The following C7orf57 variants were observed in gnomAD, a reference collection of about 807,000 sequenced individuals.
C7orf57 encodes the protein chromosome 7 open reading frame 57.
In C7orf57, 33 loss-of-function variants were observed where a neutral mutation model predicts 39.0. The observed-to-expected ratio is 0.85, with a 90% CI of 0.64 to 1.13. The LOEUF is 1.13. C7orf57 is among the 50% of genes most tolerant of loss of function. The probability of loss-of-function intolerance (pLI) is 0.00; values close to 1 mark genes in which losing one functional copy is unlikely to be tolerated. For synonymous variants in C7orf57, 124 were observed against 137.1 expected (o/e 0.90, Z 0.67); for missense variants, 346 against 362.3 (o/e 0.95, Z 0.37).
rs371524997 is a variant in C7orf57, at chr7:48,046,745, AT to A, written c.507+133del. ...TCGTGGCATCGGCCACGTGCTCTGTATTTTAAGTTTGGATCTACTAAAAGGC... is the reference window on the plus strand; with the variant it reads ...TCGTGGCATCGGCCACGTGCTCTGTATTTAAGTTTGGATCTACTAAAAGGC... On this transcript the variant is annotated intron_variant, in intron 5 of 8. Transcript: ENST00000348904. 133 of 1,007,556 alleles carry A rather than the reference AT, an allele frequency of 1.3e-4. No individual in the cohort carries two copies. In the African/African-American group the frequency reaches 1.5e-3, roughly 12 times the overall value. 62.4% of individuals were successfully genotyped at this position (1,007,556 alleles called of 1,614,324 possible).
Position 48,036,241 on chromosome 7 carries a change from G to A in C7orf57, c.-68G>A, listed in dbSNP as rs950226303. ...CCTGGCAACTGGTCAAGCAGGCAGC[G>A]TCCAGCGCACCCGCGAACACCAGGT... On this transcript the variant is annotated 5_prime_UTR_variant, in exon 2 of 9. Transcript: ENST00000348904. The A allele has an allele frequency of 1.3e-6, 2 of 1,512,364 alleles. No homozygotes were observed. The highest frequency in any genetic ancestry group is 3.9e-5 in the Admixed American group (2 of 50,984). The allele number at this position is 1,512,364 out of a possible 1,614,324, so 93.7% of individuals were successfully genotyped here.
In C7orf57 at chr7:48,049,870, C is replaced by T. The variant is rs146385543; in HGVS notation, c.508-10C>T. On this transcript the variant is annotated splice_polypyrimidine_tract_variant and intron_variant, in intron 5 of 8. Coordinates refer to ENST00000348904, the MANE Select transcript of C7orf57 (RefSeq NM_001100159.3). ...CACTAACTCAAGGTTTTGTGTGTTT[C>T]CTCACACAGCTGAGGCTACCGGCCA... The T allele has an allele frequency of 2.0e-3, 3,155 of 1,609,784 alleles. 35 individuals carry two copies. In the East Asian group the frequency reaches 0.02, roughly 10 times the overall value.
intron 8 of C7orf57, among the ~76,000 whole-genome samples, chr7:48,056,112 A>C (rs1418341684): frequency 6.6e-6 from 1 of 152,130 alleles, no homozygotes; most frequent in Non-Finnish European, 1.5e-5. Context: ...TTTTCTCCAC[A>C]TTATCATCAA....
chr7:48,037,008 TCAGCTGGGACAGCTGAGTTG>T (rs1323829939), intron 2 of C7orf57, among the ~76,000 whole-genome samples: 1 of 151,862 alleles, frequency 6.6e-6, no homozygotes, highest in African/African-American at 2.4e-5. Context: ...GTCCTGGGGA[TCAGCTGGGACAGCTGAGTTG>T]CAGCTGGTCG....
intron 4 of C7orf57, among the ~76,000 whole-genome samples, chr7:48,044,466 C>A (rs1790655526): frequency 1.3e-5 from 2 of 152,200 alleles, no homozygotes. Context: ...CTTTACCTCC[C>A]GCTTTTAGCC....
At chr7:48,038,500 C>T (rs928473471) in intron 2 of C7orf57, among the ~76,000 whole-genome samples, 2 of 152,110 alleles carry the variant, frequency 1.3e-5, no homozygotes, top group Non-Finnish European at 2.9e-5. Flanking sequence ...CAGTGCAGAC[C>T]AGCAGGCTGG....
chr7:48,043,180 G>C (rs974650214), intron 3 of C7orf57, among the ~76,000 whole-genome samples: 1 of 152,176 alleles, frequency 6.6e-6, no homozygotes. Context: ...CCCTCCAGGA[G>C]CTGGTAGATG....
chr7:48,054,867 G>T (rs201955923), intron 8 of C7orf57, among the ~76,000 whole-genome samples: 10,254 of 149,982 alleles, frequency 0.068, 460 homozygotes, highest in East Asian at 0.2. Context: ...TGATGATGAT[G>T]ATTATTATTA....
chr7:48,035,779 G>A lies in C7orf57; in HGVS notation c.-102+149G>A. ...CCGGGTTGGGATGAGCACAGGGCGG[G>A]ATCTCCAAGCCTGCCCAAGTCCCGC... On this transcript the variant is annotated intron_variant, in intron 1 of 8. Coordinates refer to ENST00000348904, the MANE Select transcript of C7orf57 (RefSeq NM_001100159.3). The surrounding 1 kb of genome is among the most constrained non-coding windows in gnomAD (Gnocchi z 4.0). 1 of 583,682 alleles carries A rather than the reference G, an allele frequency of 1.7e-6. No homozygotes were observed. Among genetic ancestry groups the A allele is most frequent in the East Asian group, 3.0e-5 (1 of 33,336 alleles). 36.2% of individuals were successfully genotyped at this position (583,682 alleles called of 1,614,324 possible).
At chr7:48,054,399 A>C (rs1271989220) in intron 7 of C7orf57, among the ~76,000 whole-genome samples, 196 bp from the exon 8 acceptor site, 2 of 127,512 alleles carry the variant, frequency 1.6e-5, no homozygotes, top group African/African-American at 3.2e-5. Flanking sequence ...GGGCAACAAG[A>C]GGGAAACTCT....
At chr7:48,051,710 TCTC>T (rs1342557223) in intron 6 of C7orf57, among the ~76,000 whole-genome samples, 1 of 108,984 alleles carries the variant, frequency 9.2e-6, no homozygotes, top group Non-Finnish European at 2.2e-5. Flanking sequence ...TCTCTCTCTC[TCTC>T]CTTTCTTTCT....
In C7orf57 at chr7:48,036,318, A is replaced by C. The variant is rs745729969; in HGVS notation, c.10A>C (p.Thr4Pro). The C allele has an allele frequency of 2.0e-5, 31 of 1,589,440 alleles. No individual in the cohort carries two copies. Among genetic ancestry groups the C allele is most frequent in the Non-Finnish European group, 2.6e-5 (30 of 1,168,304 alleles). The change falls in exon 2 of 9, where the codon ACA (threonine) becomes CCA (proline). Residue 4 changes from threonine to proline, a missense_variant. Transcript: ENST00000348904. MRN[T>P]SKELQGATHR... ...CGTGCAGCGCCTGACCATGAGGAAC[A>C]CAAGCAAGGAACTTCAGGGCGCCAC...
intron 2 of C7orf57, 48 bp downstream of exon 2, chr7:48,036,411 C>T: frequency 6.7e-7 from 1 of 1,498,864 alleles, no homozygotes. Context: ...TGGGTGCGTG[C>T]ACTCTGCTTG....
At chr7:48,048,992 T>C (rs870655) in intron 5 of C7orf57, among the ~76,000 whole-genome samples, 131,382 of 152,106 alleles carry the variant, frequency 0.86, 57,205 homozygotes, top group Non-Finnish European at 0.93. Context: ...AAATAAGCTC[T>C]CTCCAGCCAG....
chr7:48,038,381 C>CAT lies in C7orf57; in HGVS notation c.55+2022_55+2023dup, dbSNP rs142265532. 1.4e-3 allele frequency among the ~76,000 whole-genome samples: 183 copies of CAT among 129,016 alleles called. 1 individual carries two copies. The highest frequency in any genetic ancestry group is 6.2e-3 in the African/African-American group (176 of 28,404). The allele number at this position is 129,016 out of a possible 152,430, so 84.6% of individuals were successfully genotyped here. On this transcript the variant is annotated intron_variant, in intron 2 of 8. Coordinates refer to ENST00000348904, the MANE Select transcript of C7orf57 (RefSeq NM_001100159.3). ...ATATCCATGTCTATCTTTCTATATA[C>CAT]ATATAGATAGATAGATAGATAGATA...
Position 48,060,276 on chromosome 7 carries a change from C to A in C7orf57, c.*4C>A. On this transcript the variant is annotated 3_prime_UTR_variant, in exon 9 of 9. Coordinates refer to ENST00000348904, the MANE Select transcript of C7orf57 (RefSeq NM_001100159.3). ...AACACCAGCAGAGCTCAAATAAATC[C>A]TGATGCAATATGTATTTAGGATAAT... is the stretch of plus-strand genomic sequence containing the variant. 1 of 1,521,666 alleles carries A rather than the reference C, an allele frequency of 6.6e-7. No individual in the cohort carries two copies. The highest frequency in any genetic ancestry group is 8.9e-7 in the Non-Finnish European group (1 of 1,125,664). The allele number at this position is 1,521,666 out of a possible 1,614,324, so 94.3% of individuals were successfully genotyped here.
chr7:48,048,516 A>G (rs957936336), intron 5 of C7orf57, among the ~76,000 whole-genome samples: 4 of 152,038 alleles, frequency 2.6e-5, no homozygotes, highest in Non-Finnish European at 5.9e-5. Flanking sequence ...ATTGTTAGCA[A>G]TACCTCCGTG....
intron 6 of C7orf57, among the ~76,000 whole-genome samples, chr7:48,051,626 C>T (rs1790880504): frequency 6.6e-6 from 1 of 151,414 alleles, no homozygotes; most frequent in Non-Finnish European, 1.5e-5. Context: ...GTATGAGCTA[C>T]TGTGCCCACC....
At position 48,038,383 on chromosome 7, in the gene C7orf57, T is replaced by TATAGATAGATAGATAG. The variant is rs67831054; in HGVS notation, c.55+2042_55+2057dup. On this transcript the variant is annotated intron_variant, in intron 2 of 8. Coordinates refer to ENST00000348904, the MANE Select transcript of C7orf57 (RefSeq NM_001100159.3). ...ATCCATGTCTATCTTTCTATATACATATAGATAGATAGATAGATAGATAGA... is the reference window on the plus strand; with the variant it reads ...ATCCATGTCTATCTTTCTATATACATATAGATAGATAGATAGATAGATAGATAGATAGATAGATAGA... 3.5e-4 allele frequency among the ~76,000 whole-genome samples: 53 copies of TATAGATAGATAGATAG among 150,242 alleles called. 1 individual carries two copies. The highest frequency in any genetic ancestry group is 9.1e-4 in the African/African-American group (37 of 40,862).
Sources: gnomAD v4.1 joint callset for allele counts (sites outside exome capture counted in the v4.1 genomes callset) on GRCh38, gnomAD v4.1.1 for gene constraint, Gnocchi (gnomAD v3.1) non-coding constraint, MANE v1.5 for transcripts, NCBI Gene and HGNC (gene_info 2026-07-23, HGNC 2026-07-21) for gene names.